IQSEC3: variants seen among roughly 807,000 people sequenced by gnomAD.
IQSEC3 encodes the protein IQ motif and Sec7 domain ArfGEF 3, also known as IQ motif and SEC7 domain-containing protein 3.
Under a neutral mutation model 105.4 loss-of-function variants are expected in IQSEC3, and 50 were observed. The ratio of observed to expected loss-of-function variants is 0.47; its 90% CI spans 0.38 to 0.60. The LOEUF is 0.60. Among genes scored for constraint, IQSEC3 ranks in the 20% least tolerant of loss-of-function variants. The pLI, the probability that IQSEC3 is intolerant of heterozygous loss-of-function variation, is 0.00. For synonymous variants in IQSEC3, 708 were observed against 746.0 expected (o/e 0.95, Z 0.83); for missense variants, 1,415 against 1,630.0 (o/e 0.87, Z 2.27).
At chr12:159,347 C>A (rs1555095514) in intron 7 of IQSEC3, among the ~76,000 whole-genome samples, 2 of 152,252 alleles carry the variant, frequency 1.3e-5, no homozygotes, top group South Asian at 4.1e-4. Flanking sequence ...GCACAGCCTG[C>A]ATCCTGGGCC....
Position 138,534 on chromosome 12 carries a change from T to C in IQSEC3, c.1171T>C (p.Phe391Leu), listed in dbSNP as rs1555087341. 6.3e-7 allele frequency: 1 copy of C among 1,579,020 alleles called. No homozygotes were observed. The highest frequency in any genetic ancestry group is 1.7e-5 in the Admixed American group (1 of 57,180). The change falls in exon 4 of 14, where the codon TTC becomes CTC. Residue 391 changes from phenylalanine (F) to leucine (L), a missense_variant. By Grantham distance (22) the Phe-to-Leu change is conservative. Transcript: ENST00000538872. This position sits in a 1 kb window ranked among gnomAD's most constrained non-coding sequence, Gnocchi z 7.1. ...LVRSPSLPPT[F>L]AGTLTELEDS... ...GCGCTCGCCCTCCCTGCCGCCCACC[T>C]TCGCAGGCACCCTCACCGAGCTGGA...
intron 1 of IQSEC3, among the ~76,000 whole-genome samples, chr12:76,132 A>ACACACAC: frequency 7.1e-6 from 1 of 141,160 alleles, no homozygotes; most frequent in African/African-American, 2.7e-5. Flanking sequence ...ACACACACAC[A>ACACACAC]AGGCCTCAGC....
At position 174,925 on chromosome 12, in the gene IQSEC3, TCCGCTGCCC is replaced by T; in HGVS notation, c.3446_3454del (p.Leu1149_Pro1151del). On this transcript the variant is annotated inframe_deletion, in exon 14 of 14. Coordinates refer to ENST00000538872, the MANE Select transcript of IQSEC3 (RefSeq NM_001170738.2). ...CTCCGGTCAAGGTCACCCACCAGCC[TCCGCTGCCC>T]CCGCCCCCACCCCCCTACAACCACC... 6.7e-7 allele frequency: 1 copy of T among 1,490,280 alleles called. No homozygotes were observed. 92.3% of individuals were successfully genotyped at this position (1,490,280 alleles called of 1,614,324 possible).
intron 2 of IQSEC3, among the ~76,000 whole-genome samples, chr12:108,907 C>T (rs1382896660): frequency 5.3e-5 from 8 of 152,250 alleles, no homozygotes; most frequent in Admixed American, 3.3e-4. Flanking sequence ...TTGTATTCCA[C>T]GCCACCCCTG....
At chr12:95,913 C>T (rs971662035) in intron 1 of IQSEC3, among the ~76,000 whole-genome samples, 11 of 152,180 alleles carry the variant, frequency 7.2e-5, no homozygotes, top group African/African-American at 2.7e-4. Flanking sequence ...TTTCCCCCCT[C>T]CACCACCACA....
At position 139,236 on chromosome 12, in the gene IQSEC3, A is replaced by G. The variant is rs781964208; in HGVS notation, c.1873A>G (p.Met625Val). 2.6e-5 allele frequency: 41 copies of G among 1,601,760 alleles called. No individual in the cohort carries two copies. The highest frequency in any genetic ancestry group is 1.3e-5 in the African/African-American group (1 of 74,322). ...ASASKDALQAMILSLPRYHCE... is the reference protein window; with the variant it reads ...ASASKDALQAVILSLPRYHCE... ...CGCCTCCAAGGACGCCCTGCAGGCC[A>G]TGATCCTGAGCCTGCCGCGCTACCA... is the stretch of plus-strand genomic sequence containing the variant. Residue 625 changes from methionine to valine, a missense_variant, in exon 4 of 14, where the codon ATG (methionine) becomes GTG (valine). Around this residue, in one of 6 missense-constraint regions of IQSEC3, gnomAD observed 720 missense variants for 633.0 expected, o/e 1.14. Transcript: ENST00000538872.
At position 170,884 on chromosome 12, in the gene IQSEC3, T is replaced by A. The variant is rs541688830; in HGVS notation, c.3065-228T>A. ...TAAATCAGATTCCACAATGCCAACA[T>A]CAGAAAGAGCGGCAGCGATCTTCTA... On this transcript the variant is annotated intron_variant, in intron 12 of 13. Transcript: ENST00000538872. 1.6e-4 allele frequency among the ~76,000 whole-genome samples: 24 copies of A among 152,270 alleles called. No homozygotes were observed. In the South Asian group the frequency reaches 4.6e-3, roughly 29 times the overall value.
chr12:164,121 A>T (rs1182121439), intron 9 of IQSEC3, among the ~76,000 whole-genome samples: 2 of 152,192 alleles, frequency 1.3e-5, no homozygotes, highest in African/African-American at 4.8e-5. Context: ...ATATTTGATC[A>T]GCGTTGACCA....
chr12:155,144 G>T (rs1175318759), intron 5 of IQSEC3, among the ~76,000 whole-genome samples: 2 of 152,250 alleles, frequency 1.3e-5, no homozygotes, highest in Non-Finnish European at 2.9e-5. Flanking sequence ...CTCACGTAGG[G>T]CTGCAAAGGG....
intron 2 of IQSEC3, among the ~76,000 whole-genome samples, chr12:122,208 G>A (rs1555082080): frequency 1.3e-5 from 2 of 152,204 alleles, no homozygotes; most frequent in Non-Finnish European, 2.9e-5. Flanking sequence ...CAGCCAGAGA[G>A]CCTGGAACCT....
At chr12:170,049 G>T (rs1282855110) in intron 12 of IQSEC3, among the ~76,000 whole-genome samples, 1 of 152,206 alleles carries the variant, frequency 6.6e-6, no homozygotes, top group African/African-American at 2.4e-5. Flanking sequence ...CAGCAGCGTG[G>T]GGACTAGTTA....
At chr12:173,417 G>A (rs754111949) in intron 13 of IQSEC3, among the ~76,000 whole-genome samples, 9 of 152,172 alleles carry the variant, frequency 5.9e-5, no homozygotes, top group East Asian at 1.9e-4. Flanking sequence ...GCACAGGTCC[G>A]GGAAAGGGTG....
At chr12:106,229 C>T (rs1174223623) in intron 2 of IQSEC3, among the ~76,000 whole-genome samples, 3 of 152,226 alleles carry the variant, frequency 2.0e-5, no homozygotes, top group Admixed American at 6.5e-5. Flanking sequence ...TGATGAAGAG[C>T]AGAGCTAGGT....
chr12:100,710 A>G (rs1864396935), intron 2 of IQSEC3, among the ~76,000 whole-genome samples: 1 of 152,236 alleles, frequency 6.6e-6, no homozygotes, highest in Non-Finnish European at 1.5e-5. Context: ...ATAAAAGCAC[A>G]TAAGGCCAAC....
At chr12:106,582 CA>C (rs1442797215) in intron 2 of IQSEC3, 1 of 152,228 alleles carries the variant, frequency 6.6e-6, no homozygotes, top group Non-Finnish European at 1.5e-5. Context: ...ATAATACTTC[CA>C]GAACAAGTGA....
At chr12:104,935 C>T (rs1555077481) in intron 2 of IQSEC3, among the ~76,000 whole-genome samples, 2 of 152,280 alleles carry the variant, frequency 1.3e-5, no homozygotes, top group African/African-American at 4.8e-5. Flanking sequence ...CGTCTTCAAA[C>T]AGCTGGGCTG....
intron 11 of IQSEC3, chr12:166,226 C>T (rs1041329278): frequency 3.3e-5 from 10 of 306,454 alleles, no homozygotes; most frequent in East Asian, 1.8e-4. Flanking sequence ...GGCTCTGGTG[C>T]GTTCCTTCCC....
intron 3 of IQSEC3, chr12:137,642 A>C (rs2136994167): frequency 6.6e-6 from 1 of 151,508 alleles, no homozygotes; most frequent in Non-Finnish European, 1.5e-5. Context: ...AAAAAAAAAA[A>C]AAAAAGAAGA....
intron 5 of IQSEC3, among the ~76,000 whole-genome samples, chr12:156,378 G>A (rs1200290684): frequency 2.0e-5 from 3 of 152,100 alleles, no homozygotes; most frequent in African/African-American, 4.8e-5. Context: ...TGCGTGTCAC[G>A]CTGTCCCCTC....
Sources: allele counts gnomAD v4.1 joint callset (sites outside exome capture counted in the v4.1 genomes callset), GRCh38; gene constraint gnomAD v4.1.1; regional missense constraint gnomAD v4.1.1; non-coding constraint Gnocchi (gnomAD v3.1); transcripts MANE v1.5; gene names NCBI Gene and HGNC (gene_info 2026-07-23, HGNC 2026-07-21).